ADAP1: variants seen among roughly 807,000 people sequenced by gnomAD.
ADAP1 encodes arf-GAP with dual PH domain-containing protein 1.
A neutral mutation model predicts 54.9 loss-of-function variants in ADAP1; 31 were observed. The ratio of observed to expected loss-of-function variants is 0.56; its 90% CI spans 0.42 to 0.76. The LOEUF (loss-of-function observed/expected upper bound fraction) is 0.76. ADAP1 is among the 30% of genes least tolerant of loss of function. ADAP1 has a pLI of 0.00. For synonymous variants in ADAP1, 313 were observed against 202.6 expected (o/e 1.55, Z -4.63); for missense variants, 535 against 512.4 (o/e 1.04, Z -0.42).
At chr7:909,983 A>G (rs900921428) in intron 4 of ADAP1, among the ~76,000 whole-genome samples, 6 of 152,086 alleles carry the variant, frequency 3.9e-5, no homozygotes, top group Non-Finnish European at 1.5e-5. Context: ...GCCTCTGAGG[A>G]GCCCTTCTGC....
Position 945,799 on chromosome 7 carries a change from C to T in ADAP1, c.82+8597G>A. The T allele has an allele frequency of 2.0e-6, 2 of 985,616 alleles. No homozygotes were observed. Among genetic ancestry groups the T allele is most frequent in the South Asian group, 9.4e-5 (2 of 21,290 alleles). 61.1% of individuals were successfully genotyped at this position (985,616 alleles called of 1,614,324 possible). ...CGCCCGAGGTGACTCAGCCGCTCAC[C>T]ATTTCCGGAGCTGGTCTGGGGCACC... On this transcript the variant is annotated intron_variant, in intron 1 of 10. Transcript: ENST00000265846. This position sits in a 1 kb window ranked among gnomAD's most constrained non-coding sequence, Gnocchi z 4.2.
At chr7:905,784 GAGAAAGGAGAAAGGAGAAAGGA>G (rs1284533692) in intron 4 of ADAP1, among the ~76,000 whole-genome samples, 1 of 60,410 alleles carries the variant, frequency 1.7e-5, no homozygotes, top group Non-Finnish European at 3.4e-5. Context: ...AAGGAGAAAG[GAGAAAGGAGAAAGGAGAAAGGA>G]GAAAGGAGAA....
intron 3 of ADAP1, among the ~76,000 whole-genome samples, chr7:921,748 G>A (rs929137739): frequency 2.6e-5 from 4 of 152,210 alleles, no homozygotes; most frequent in East Asian, 3.8e-4. Flanking sequence ...AGCACCCAGC[G>A]TCCCATGACC....
intron 4 of ADAP1, among the ~76,000 whole-genome samples, chr7:916,854 C>A (rs1845954556): frequency 6.6e-6 from 1 of 151,962 alleles, no homozygotes; most frequent in Non-Finnish European, 1.5e-5. Flanking sequence ...AGGCCTGGGG[C>A]AGCCTCCCAC....
chr7:913,799 G>GT (rs1845822209), intron 4 of ADAP1, among the ~76,000 whole-genome samples: 2 of 152,254 alleles, frequency 1.3e-5, no homozygotes, highest in South Asian at 4.1e-4. Flanking sequence ...GCCGGGCGTG[G>GT]TGGGGGGCGC....
chr7:906,776 AGGGGAC>A (rs1845463330), intron 4 of ADAP1, among the ~76,000 whole-genome samples: 1 of 21,080 alleles, frequency 4.7e-5, no homozygotes. Flanking sequence ...CATGGGGGAC[AGGGGAC>A]ACGGGGGACG....
In ADAP1 at chr7:898,640, T is replaced by TCAG; in HGVS notation, c.*280_*281insCTG. 2.0e-6 allele frequency: 1 copy of TCAG among 508,720 alleles called. No individual in the cohort carries two copies. The highest frequency in any genetic ancestry group is 3.5e-5 in the East Asian group (1 of 28,438). The allele number at this position is 508,720 out of a possible 1,614,324, so 31.5% of individuals were successfully genotyped here. A position where few individuals can be genotyped will look rare whatever the true frequency, so the allele number is the denominator to read the frequency against. On this transcript the variant is annotated 3_prime_UTR_variant, in exon 11 of 11. Transcript: ENST00000265846. ...TGAGCTCGGGAGCCAGACTGGGCCC[T>TCAG]GGAGGAAAGGGGGCCCCGGGTCAGG...
intron 4 of ADAP1, among the ~76,000 whole-genome samples, chr7:906,776 AGGGGACACGGGGGACGGGACAG>A (rs1845463582): frequency 9.5e-5 from 2 of 21,080 alleles, no homozygotes; most frequent in Admixed American, 4.6e-4. Flanking sequence ...CATGGGGGAC[AGGGGACACGGGGGACGGGACAG>A]GGGACATGGG....
intron 2 of ADAP1, among the ~76,000 whole-genome samples, chr7:933,438 C>A (rs1846646147): frequency 6.6e-6 from 1 of 151,704 alleles, no homozygotes; most frequent in East Asian, 2.0e-4. Flanking sequence ...CTGTTAGAAG[C>A]AAATGAGCTA....
intron 1 of ADAP1, among the ~76,000 whole-genome samples, chr7:940,009 A>G (rs1012047913): frequency 2.0e-5 from 3 of 151,948 alleles, no homozygotes; most frequent in Non-Finnish European, 2.9e-5. Flanking sequence ...ACCTGTCCCG[A>G]CCTCTTGCAA....
intron 1 of ADAP1, among the ~76,000 whole-genome samples, chr7:943,237 GGA>G (rs1348290081): frequency 2.2e-4 from 7 of 32,306 alleles, no homozygotes; most frequent in African/African-American, 1.5e-3. Flanking sequence ...GAGGAGGAAG[GGA>G]GAGAGGAGGA....
intron 2 of ADAP1, among the ~76,000 whole-genome samples, chr7:929,291 CA>C (rs761570809): frequency 0.013 from 1,242 of 95,934 alleles, 3 homozygotes; most frequent in Admixed American, 0.02. Context: ...GACTCCATCT[CA>C]AAAAAAAAAA....
In ADAP1 at chr7:922,619, G is replaced by A. The variant is rs113785576; in HGVS notation, c.306-2569C>T. Among the ~76,000 whole-genome samples the A allele has an allele frequency of 6.9e-3, 1,049 of 152,180 alleles. 18 individuals are homozygous for A. Among genetic ancestry groups the A allele is most frequent in the African/African-American group, 0.024 (976 of 41,504 alleles). ...CCACTCCTGAGTGTGCCTTCTGCCC[G>A]AGTTCTGCCAGTTTCCACCGCATGG... is the stretch of plus-strand genomic sequence containing the variant. On this transcript the variant is annotated intron_variant, in intron 3 of 10. Transcript: ENST00000265846.
At chr7:927,269 C>G (rs896477298) in intron 2 of ADAP1, 4 of 1,236,030 alleles carry the variant, frequency 3.2e-6, no homozygotes, top group Admixed American at 2.8e-5. Context: ...CCAGGAGGCT[C>G]GTGCTCCAGG....
rs1231877862 is a variant in ADAP1, at chr7:927,305, G to C, written c.214-661C>G. On this transcript the variant is annotated intron_variant, in intron 2 of 10. Coordinates refer to ENST00000265846, the MANE Select transcript of ADAP1 (RefSeq NM_006869.4). ...AGGCTGTCACGCACACTGTGCTCCT[G>C]GCAGGCGCAAAGGCCCTGAGGGTGG... 5.0e-5 allele frequency: 59 copies of C among 1,180,178 alleles called. 1 individual carries two copies. In the East Asian group the frequency reaches 2.8e-3, roughly 56 times the overall value. The allele number at this position is 1,180,178 out of a possible 1,614,324, so 73.1% of individuals were successfully genotyped here. A position where few individuals can be genotyped will look rare whatever the true frequency, so the allele number is the denominator to read the frequency against.
At position 900,766 on chromosome 7, in the gene ADAP1, G is replaced by A. The variant is rs373872710; in HGVS notation, c.649-150C>T. The A allele has an allele frequency of 5.2e-4, 365 of 704,730 alleles. 2 individuals are homozygous for A. Among genetic ancestry groups the A allele is most frequent in the East Asian group, 3.9e-3 (141 of 36,260 alleles). 43.7% of individuals were successfully genotyped at this position (704,730 alleles called of 1,614,324 possible). ...CACCTCAGCTCCCAGCAGTCCTGCC[G>A]CAGGCCTGGCCCCTGTGCCCACGCT... On this transcript the variant is annotated intron_variant, in intron 6 of 10. Transcript: ENST00000265846.
Position 919,997 on chromosome 7 carries a change from T to C in ADAP1, c.359A>G (p.Tyr120Cys), listed in dbSNP as rs1295909325. ...CGAGTAGGGCTCCTGCTTCTCCGGG[T>C]AGATGAACTCCTGTCGCTCGTACTT... ...RAKYERQEFI[Y>C]PEKQEPYSAG... Residue 120 changes from tyrosine (Y) to cysteine (C), a missense_variant, in exon 4 of 11, where the codon TAC (tyrosine) becomes TGC (cysteine). Physicochemically the swap from Tyr to Cys is radical, Grantham distance 194. Transcript: ENST00000265846. 6.2e-7 allele frequency: 1 copy of C among 1,606,506 alleles called. No homozygotes were observed. Among genetic ancestry groups the C allele is most frequent in the South Asian group, 1.1e-5 (1 of 90,944 alleles).
Position 937,793 on chromosome 7 carries a change from T to C in ADAP1, c.83-2288A>G, listed in dbSNP as rs112769009. On this transcript the variant is annotated intron_variant, in intron 1 of 10. Coordinates refer to ENST00000265846, the MANE Select transcript of ADAP1 (RefSeq NM_006869.4). ...CTGCACATCTGGGATTTGGGGGTCATGCCCGGCCTCTGGGATTTGGGGGTT... is the reference window on the plus strand; with the variant it reads ...CTGCACATCTGGGATTTGGGGGTCACGCCCGGCCTCTGGGATTTGGGGGTT... Among the ~76,000 whole-genome samples, 152 of 122,918 alleles carry C rather than the reference T, an allele frequency of 1.2e-3. No individual in the cohort carries two copies. In the Middle Eastern group the frequency reaches 0.014, roughly 11 times the overall value. The allele number at this position is 122,918 out of a possible 152,430, so 80.6% of individuals were successfully genotyped here.
intron 4 of ADAP1, among the ~76,000 whole-genome samples, chr7:917,714 C>T (rs1211749585): frequency 2.6e-5 from 4 of 152,164 alleles, no homozygotes; most frequent in Admixed American, 2.6e-4. Context: ...TCCATCCGCC[C>T]GCCTAGGCCT....
Sources: allele counts gnomAD v4.1 joint callset (sites outside exome capture counted in the v4.1 genomes callset), GRCh38; gene constraint gnomAD v4.1.1; non-coding constraint Gnocchi (gnomAD v3.1); transcripts MANE v1.5; gene names NCBI Gene and HGNC (gene_info 2026-07-23, HGNC 2026-07-21).